Variants in SPOCK1 observed in about 807,000 individuals in gnomAD.
SPOCK1 encodes testican-1.
SPOCK1 carries 23 observed loss-of-function variants against 55.3 expected under a neutral mutation model. That is an observed-to-expected ratio of 0.42 (90% confidence interval 0.30 to 0.59). The LOEUF (loss-of-function observed/expected upper bound fraction) is 0.59. Ranked by LOEUF, SPOCK1 falls within the 20% of genes least tolerant of loss-of-function variation. The pLI is 0.22. For synonymous variants in SPOCK1, 226 were observed against 221.0 expected (o/e 1.02, Z -0.20); for missense variants, 499 against 552.5 (o/e 0.90, Z 0.97).
chr5:137,213,502 C>T (rs1654240527), intron 3 of SPOCK1, among the ~76,000 whole-genome samples: 1 of 152,194 alleles, frequency 6.6e-6, no homozygotes, highest in African/African-American at 2.4e-5. Context: ...CCCCATTTTA[C>T]AGAAGAAGAA....
intron 2 of SPOCK1, among the ~76,000 whole-genome samples, chr5:137,349,684 C>A (rs1312153461): frequency 6.6e-6 from 1 of 152,202 alleles, no homozygotes; most frequent in African/African-American, 2.4e-5. Context: ...GTTTGCTCAT[C>A]TTTGGCATTC....
chr5:137,305,536 T>A (rs2916648), intron 2 of SPOCK1, among the ~76,000 whole-genome samples: 1 of 152,078 alleles, frequency 6.6e-6, no homozygotes, highest in Admixed American at 6.5e-5. Flanking sequence ...AAGTGCTCCA[T>A]GGGATGTCAG....
At chr5:137,253,120 A>G (rs969183771) in intron 3 of SPOCK1, among the ~76,000 whole-genome samples, 15 of 152,192 alleles carry the variant, frequency 9.9e-5, no homozygotes, top group African/African-American at 3.6e-4. Flanking sequence ...TTGGAAACGT[A>G]TGTCCGCATC....
At chr5:137,334,751 G>A (rs1393264158) in intron 2 of SPOCK1, among the ~76,000 whole-genome samples, 2 of 152,150 alleles carry the variant, frequency 1.3e-5, no homozygotes, top group African/African-American at 2.4e-5. Context: ...ATTTGTAATC[G>A]CTGCCCTCTT....
chr5:137,093,438 A>T (rs1373910265), intron 5 of SPOCK1, among the ~76,000 whole-genome samples: 2 of 152,238 alleles, frequency 1.3e-5, no homozygotes, highest in Non-Finnish European at 2.9e-5. Context: ...TTTACTGAGA[A>T]TCTACCATAT....
At chr5:137,236,149 C>T (rs1214692640) in intron 3 of SPOCK1, among the ~76,000 whole-genome samples, 1 of 152,246 alleles carries the variant, frequency 6.6e-6, no homozygotes, top group Non-Finnish European at 1.5e-5. Context: ...CCAAATGGCC[C>T]TGAGCCACCT....
intron 3 of SPOCK1, among the ~76,000 whole-genome samples, chr5:137,209,702 G>A (rs753895627): frequency 6.6e-5 from 10 of 152,110 alleles, no homozygotes; most frequent in East Asian, 1.9e-4. Flanking sequence ...CAACCCTTTC[G>A]CCTAACAATG....
At chr5:137,173,208 C>A (rs1009982272) in intron 3 of SPOCK1, among the ~76,000 whole-genome samples, 3 of 152,030 alleles carry the variant, frequency 2.0e-5, no homozygotes, top group African/African-American at 7.2e-5. Flanking sequence ...TCTTGGACCT[C>A]CAAGTCTTCA....
chr5:137,259,644 T>TA (rs1162495866), intron 3 of SPOCK1, among the ~76,000 whole-genome samples: 7 of 57,522 alleles, frequency 1.2e-4, no homozygotes, highest in South Asian at 1.2e-3. Context: ...ATAATAATAA[T>TA]AAAAAAACAC....
intron 5 of SPOCK1, among the ~76,000 whole-genome samples, chr5:137,096,741 A>T (rs950933376): frequency 3.2e-4 from 49 of 151,944 alleles, no homozygotes; most frequent in African/African-American, 8.9e-4. Flanking sequence ...TTTTAAAAAA[A>T]TTTTTTAAAG....
chr5:137,371,110 G>A (rs937332144), intron 2 of SPOCK1, among the ~76,000 whole-genome samples: 6 of 152,234 alleles, frequency 3.9e-5, no homozygotes, highest in African/African-American at 7.2e-5. Context: ...CAGACATTCT[G>A]AAATACCCAG....
At chr5:137,419,965 C>T (rs1171439632) in intron 2 of SPOCK1, among the ~76,000 whole-genome samples, 7 of 151,944 alleles carry the variant, frequency 4.6e-5, no homozygotes, top group South Asian at 2.1e-4. Flanking sequence ...TACTGAGATA[C>T]GTCCCATCAA....
chr5:136,988,553 G>A lies in SPOCK1; in HGVS notation c.797C>T (p.Pro266Leu). The change falls in exon 8 of 11, where the codon CCT becomes CTT. Residue 266 changes from proline to leucine, a missense_variant. Transcript: ENST00000394945. The stretch of plus-strand genomic sequence containing the variant: ...CAGGTAGATGGCATTGATCTCTGAA[G>A]GGTCAAGCAGGAGGTCATAGTTCAT... Reference protein sequence around the residue: ...LDMNYDLLLDPSEINAIYLDK... With the variant: ...LDMNYDLLLDLSEINAIYLDK... 6.2e-7 allele frequency: 1 copy of A among 1,614,144 alleles called. No homozygotes were observed. The highest frequency in any genetic ancestry group is 2.2e-5 in the East Asian group (1 of 44,882).
intron 6 of SPOCK1, among the ~76,000 whole-genome samples, chr5:137,050,784 A>G (rs1752190981): frequency 6.6e-6 from 1 of 152,240 alleles, no homozygotes; most frequent in Non-Finnish European, 1.5e-5. Flanking sequence ...AAGATTTCCT[A>G]TTTGAAAGAA....
At chr5:137,182,634 C>T (rs902462737) in intron 3 of SPOCK1, among the ~76,000 whole-genome samples, 1 of 152,154 alleles carries the variant, frequency 6.6e-6, no homozygotes, top group Non-Finnish European at 1.5e-5. Flanking sequence ...TCTGGGTCAG[C>T]AGTTCTGCTT....
At chr5:137,084,433 C>T (rs1025535117) in intron 5 of SPOCK1, among the ~76,000 whole-genome samples, 1 of 151,966 alleles carries the variant, frequency 6.6e-6, no homozygotes, top group Non-Finnish European at 1.5e-5. Context: ...TTCTCCCCTG[C>T]CAGACTGAGC....
At chr5:137,409,011 T>C (rs1467458836) in intron 2 of SPOCK1, among the ~76,000 whole-genome samples, 1 of 152,148 alleles carries the variant, frequency 6.6e-6, no homozygotes, top group Non-Finnish European at 1.5e-5. Flanking sequence ...CCCAAACCCC[T>C]TCCCCAAACA....
intron 3 of SPOCK1, among the ~76,000 whole-genome samples, chr5:137,207,141 G>A (rs1029767190): frequency 2.0e-5 from 3 of 152,198 alleles, no homozygotes; most frequent in Non-Finnish European, 4.4e-5. Context: ...CTCTTGCCCA[G>A]GTCCTCTGGT....
intron 4 of SPOCK1, among the ~76,000 whole-genome samples, chr5:137,138,960 A>G (rs1419354766): frequency 6.6e-6 from 1 of 152,212 alleles, no homozygotes; most frequent in Non-Finnish European, 1.5e-5. Context: ...TGCTGCTTGC[A>G]AACAAATTAC....
Sources: gnomAD v4.1 joint callset for allele counts (sites outside exome capture counted in the v4.1 genomes callset) on GRCh38, gnomAD v4.1.1 for gene constraint, MANE v1.5 for transcripts, NCBI Gene and HGNC (gene_info 2026-07-23, HGNC 2026-07-21) for gene names.